Variants in SPOCK1 observed in about 807,000 individuals in gnomAD.
SPOCK1 encodes the protein SPARC (osteonectin), cwcv and kazal like domains proteoglycan 1.
A neutral mutation model predicts 55.3 loss-of-function variants in SPOCK1; 23 were observed. That is an observed-to-expected ratio of 0.42 (90% confidence interval 0.30 to 0.59). The LOEUF (loss-of-function observed/expected upper bound fraction) is 0.59, where lower values mean the gene tolerates loss of function less well. Ranked by LOEUF, SPOCK1 falls within the 20% of genes least tolerant of loss-of-function variation. The pLI is 0.22. For missense variants in SPOCK1, 499 were observed against 552.5 expected, an observed-to-expected ratio of 0.90 and a Z score of 0.97; for synonymous variants, 226 against 221.0, an observed-to-expected ratio of 1.02 and a Z score of -0.20.
At chr5:137,276,896 T>C (rs909764556) in intron 2 of SPOCK1, among the ~76,000 whole-genome samples, 1 of 152,200 alleles carries the variant, frequency 6.6e-6, no homozygotes, top group Non-Finnish European at 1.5e-5. Flanking sequence ...CTTCATGATT[T>C]GGAACACCAC....
rs559406297 is a variant in SPOCK1 at position 137,354,903 on chromosome 5, T to C, written c.187-87848A>G. ...GGTAAGTGACTCACTCTAAGTTTTG[T>C]TTTTTTTTGTTTTTTGAAAAGGCAT... On this transcript the variant is annotated intron_variant, in intron 2 of 10. Coordinates refer to ENST00000394945, the MANE Select transcript of SPOCK1 (RefSeq NM_004598.4). 1.0e-3 allele frequency among the ~76,000 whole-genome samples: 143 copies of C among 139,422 alleles called. 6 individuals are homozygous for C. Among genetic ancestry groups the C allele is most frequent in the Middle Eastern group, 3.6e-3 (1 of 274 alleles). 91.5% of individuals were successfully genotyped at this position (139,422 alleles called of 152,430 possible). A position where few individuals can be genotyped will look rare whatever the true frequency, so the allele number is the denominator to read the frequency against.
intron 2 of SPOCK1, among the ~76,000 whole-genome samples, chr5:137,479,610 T>G (rs779432184): frequency 1.3e-5 from 2 of 152,160 alleles, no homozygotes; most frequent in Non-Finnish European, 2.9e-5. Flanking sequence ...GAATTGCTAA[T>G]GCAAGGCCCC....
rs189177747 is a variant in SPOCK1 at position 137,063,402 on chromosome 5, T to G, written c.589+4313A>C. Among the ~76,000 whole-genome samples the G allele has an allele frequency of 1.2e-3, 181 of 147,228 alleles. 1 individual carries two copies. The highest frequency in any genetic ancestry group is 4.4e-3 in the African/African-American group (168 of 37,884). On this transcript the variant is annotated intron_variant, in intron 6 of 10. Transcript: ENST00000394945. ...CAACAAAAAAATCTTGGCTTTGACTTCTGAAAAAAAAAAAAAACAGATGAA... is the reference window on the plus strand; with the variant it reads ...CAACAAAAAAATCTTGGCTTTGACTGCTGAAAAAAAAAAAAAACAGATGAA...
At chr5:137,489,605 C>T (rs1184068840) in intron 2 of SPOCK1, among the ~76,000 whole-genome samples, 1 of 152,192 alleles carries the variant, frequency 6.6e-6, no homozygotes, top group African/African-American at 2.4e-5. Context: ...AGGAAAAGAA[C>T]AGGCCATCCT....
At chr5:137,202,968 C>A (rs917548076) in intron 3 of SPOCK1, among the ~76,000 whole-genome samples, 1 of 152,168 alleles carries the variant, frequency 6.6e-6, no homozygotes, top group Non-Finnish European at 1.5e-5. Context: ...TCAAAGCACT[C>A]GACTAATTAA....
intron 2 of SPOCK1, among the ~76,000 whole-genome samples, chr5:137,486,696 AAC>A (rs1269731978): frequency 2.3e-4 from 35 of 152,360 alleles, no homozygotes; most frequent in Admixed American, 2.0e-3. Flanking sequence ...TATTCCAAAA[AAC>A]ACATGAAAAG....
At chr5:137,076,682 G>C (rs925141185) in intron 5 of SPOCK1, among the ~76,000 whole-genome samples, 3 of 149,488 alleles carry the variant, frequency 2.0e-5, no homozygotes, top group Non-Finnish European at 4.4e-5. Flanking sequence ...TATCTCCTTT[G>C]CACCATCTTA....
In SPOCK1 at chr5:137,135,877, A is replaced by C. The variant is rs573415652; in HGVS notation, c.347+4703T>G. ...TTATGAGATAGACCACAATCTGTCT[A>C]CTCATTCATCTCTTGTTGACATTTG... On this transcript the variant is annotated intron_variant, in intron 4 of 10. Coordinates refer to ENST00000394945, the MANE Select transcript of SPOCK1 (RefSeq NM_004598.4). 2.6e-5 allele frequency among the ~76,000 whole-genome samples: 4 copies of C among 152,282 alleles called. No individual in the cohort carries two copies. In the East Asian group the frequency reaches 7.7e-4, roughly 29 times the overall value.
At chr5:137,408,416 G>C (rs953204779) in intron 2 of SPOCK1, among the ~76,000 whole-genome samples, 1 of 152,172 alleles carries the variant, frequency 6.6e-6, no homozygotes, top group Non-Finnish European at 1.5e-5. Flanking sequence ...GGCTGAAGAA[G>C]AAACACCACA....
At chr5:136,986,673 C>A (rs2126960858) in intron 8 of SPOCK1, among the ~76,000 whole-genome samples, 1 of 151,998 alleles carries the variant, frequency 6.6e-6, no homozygotes, top group South Asian at 2.1e-4. Flanking sequence ...ATGTTGAAAC[C>A]ACCAGGGAGG....
At chr5:137,261,014 T>C (rs554412800) in intron 3 of SPOCK1, among the ~76,000 whole-genome samples, 4 of 152,044 alleles carry the variant, frequency 2.6e-5, no homozygotes, top group Non-Finnish European at 5.9e-5. Context: ...AGACCAAACA[T>C]GAGCGAGCCA....
intron 2 of SPOCK1, among the ~76,000 whole-genome samples, chr5:137,358,118 C>G (rs1750857955): frequency 6.6e-6 from 1 of 152,094 alleles, no homozygotes; most frequent in Non-Finnish European, 1.5e-5. Context: ...AGTGATGCAA[C>G]TAGCCTGCTT....
At chr5:137,046,422 T>A (rs908086021) in intron 6 of SPOCK1, among the ~76,000 whole-genome samples, 51 of 152,196 alleles carry the variant, frequency 3.4e-4, no homozygotes, top group African/African-American at 1.2e-3. Context: ...GAATGGGAGT[T>A]CACTCATGAT....
At chr5:137,476,349 A>T (rs576278799) in intron 2 of SPOCK1, among the ~76,000 whole-genome samples, 1 of 152,348 alleles carries the variant, frequency 6.6e-6, no homozygotes, top group African/African-American at 2.4e-5. Context: ...CACAGGTGGG[A>T]GCAAGCACAT....
intron 2 of SPOCK1, among the ~76,000 whole-genome samples, chr5:137,493,902 A>T (rs1754243620): frequency 6.6e-6 from 1 of 152,176 alleles, no homozygotes; most frequent in South Asian, 2.1e-4. Flanking sequence ...AGATCAAATG[A>T]GCAGATCAGA....
At chr5:137,177,407 C>G (rs1754875790) in intron 3 of SPOCK1, among the ~76,000 whole-genome samples, 1 of 152,000 alleles carries the variant, frequency 6.6e-6, no homozygotes, top group South Asian at 2.1e-4. Context: ...AGAAAACAGC[C>G]CTTGGCAACA....
At chr5:137,468,489 A>G in intron 2 of SPOCK1, among the ~76,000 whole-genome samples, 1 of 152,226 alleles carries the variant, frequency 6.6e-6, no homozygotes, top group East Asian at 1.9e-4. Flanking sequence ...GTACAGGAAA[A>G]GAAATTAACA....
At chr5:137,390,565 A>G (rs1352648713) in intron 2 of SPOCK1, among the ~76,000 whole-genome samples, 1 of 152,212 alleles carries the variant, frequency 6.6e-6, no homozygotes, top group Non-Finnish European at 1.5e-5. Flanking sequence ...CTCAGGCTTG[A>G]AAAACACACA....
intron 2 of SPOCK1, among the ~76,000 whole-genome samples, chr5:137,356,366 A>C (rs73298715): frequency 0.067 from 10,206 of 152,220 alleles, 654 homozygotes; most frequent in African/African-American, 0.17. Flanking sequence ...CTGGACATTT[A>C]GGAAACTTAG....
Sources: allele counts gnomAD v4.1 joint callset (sites outside exome capture counted in the v4.1 genomes callset), GRCh38; gene constraint gnomAD v4.1.1; transcripts MANE v1.5; gene names NCBI Gene and HGNC (gene_info 2026-07-23, HGNC 2026-07-21).